SMAP1: variants seen among roughly 807,000 people sequenced by gnomAD.
SMAP1 encodes the protein stromal membrane-associated protein 1.
A neutral mutation model predicts 58.5 loss-of-function variants in SMAP1; 24 were observed. The observed-to-expected ratio is 0.41, with a 90% CI of 0.30 to 0.58. The LOEUF is 0.58. Ranked by LOEUF, SMAP1 falls within the 20% of genes least tolerant of loss-of-function variation. The pLI, the probability that SMAP1 is intolerant of heterozygous loss-of-function variation, is 0.29. For missense variants in SMAP1, 563 were observed against 566.3 expected (o/e 0.99, Z 0.06); for synonymous variants, 216 against 196.6 (o/e 1.10, Z -0.82).
intron 4 of SMAP1, among the ~76,000 whole-genome samples, chr6:70,776,092 T>G (rs1336864929): frequency 6.6e-6 from 1 of 152,134 alleles, no homozygotes; most frequent in Non-Finnish European, 1.5e-5. Context: ...GGAACAGATT[T>G]AAAAAAATAT....
chr6:70,774,592 G>A (rs1186526581), intron 4 of SMAP1, among the ~76,000 whole-genome samples: 3 of 152,138 alleles, frequency 2.0e-5, no homozygotes, highest in Non-Finnish European at 4.4e-5. Flanking sequence ...AAGTTTTTAA[G>A]TATCAGCTCA....
At chr6:70,746,378 A>G (rs1224864036) in intron 2 of SMAP1, among the ~76,000 whole-genome samples, 2 of 152,194 alleles carry the variant, frequency 1.3e-5, no homozygotes, top group Non-Finnish European at 2.9e-5. Flanking sequence ...AGTTTTTAGC[A>G]TGAAGGCTGT....
chr6:70,721,855 C>T (rs771584115), intron 1 of SMAP1, among the ~76,000 whole-genome samples: 30 of 152,206 alleles, frequency 2.0e-4, no homozygotes, highest in African/African-American at 4.8e-4. Context: ...TTAACTATAA[C>T]GAAAATAGCA....
intron 2 of SMAP1, chr6:70,734,707 C>G (rs1224892946): frequency 1.3e-5 from 2 of 152,556 alleles, no homozygotes; most frequent in African/African-American, 2.4e-5. Context: ...GTGACTTGCC[C>G]CCTTTGATGT....
At chr6:70,763,858 AG>A (rs1766854989) in intron 3 of SMAP1, among the ~76,000 whole-genome samples, 1 of 152,174 alleles carries the variant, frequency 6.6e-6, no homozygotes, top group East Asian at 1.9e-4. Flanking sequence ...GAGAGTGATG[AG>A]GAAGCCTCAG....
At chr6:70,846,864 G>A (rs1007578780) in intron 7 of SMAP1, among the ~76,000 whole-genome samples, 1 of 152,168 alleles carries the variant, frequency 6.6e-6, no homozygotes, top group South Asian at 2.1e-4. Context: ...TTTTCCGGGT[G>A]CACCATTGAG....
intron 1 of SMAP1, among the ~76,000 whole-genome samples, chr6:70,696,884 T>G (rs1767427327): frequency 6.6e-6 from 1 of 152,244 alleles, no homozygotes; most frequent in African/African-American, 2.4e-5. Flanking sequence ...TGTCTTTAGC[T>G]CTAATAATAT....
chr6:70,841,939 A>T (rs941748329), intron 7 of SMAP1, among the ~76,000 whole-genome samples: 17 of 152,236 alleles, frequency 1.1e-4, no homozygotes, highest in African/African-American at 4.1e-4. Context: ...GCCATTTCTC[A>T]AAGTCCATGT....
chr6:70,740,945 T>C (rs1362962559), intron 2 of SMAP1, among the ~76,000 whole-genome samples: 3 of 152,064 alleles, frequency 2.0e-5, no homozygotes, highest in African/African-American at 7.2e-5. Context: ...TATAAAACCA[T>C]TGACTCTCAT....
intron 2 of SMAP1, among the ~76,000 whole-genome samples, chr6:70,737,282 C>T (rs918548256): frequency 5.9e-5 from 9 of 152,174 alleles, no homozygotes; most frequent in African/African-American, 1.9e-4. Flanking sequence ...GCTGGGACTA[C>T]AGGCATGAGC....
At chr6:70,826,986 C>T (rs1372185316) in intron 6 of SMAP1, among the ~76,000 whole-genome samples, 1 of 149,420 alleles carries the variant, frequency 6.7e-6, no homozygotes, top group Non-Finnish European at 1.5e-5. Flanking sequence ...AAAAAAACCC[C>T]ACAGTTCCTG....
chr6:70,668,436 T>G, intron 1 of SMAP1: 1 of 1,281,230 alleles, frequency 7.8e-7, no homozygotes, highest in Non-Finnish European at 1.0e-6. Context: ...TCCACAGGGC[T>G]GGGGGTAGGA....
At position 70,794,372 on chromosome 6, in the gene SMAP1, C is replaced by T. The variant is rs185268828; in HGVS notation, c.495+2603C>T. On this transcript the variant is annotated intron_variant, in intron 5 of 10. Transcript: ENST00000370455. The stretch of plus-strand genomic sequence containing the variant: ...AGAACCCATGCTGTTAATATTACTT[C>T]GAAGCCTGTATCCTAATACCACTGC... 5.9e-5 allele frequency among the ~76,000 whole-genome samples: 9 copies of T among 152,186 alleles called. No individual in the cohort carries two copies. The East Asian group carries it at 7.7e-4, about 13-fold the overall frequency.
intron 10 of SMAP1, chr6:70,859,584 C>T (rs1221443450): frequency 2.4e-6 from 1 of 423,248 alleles, no homozygotes; most frequent in Non-Finnish European, 4.1e-6. Context: ...TAAATCTTGC[C>T]TTTCCTTCTC....
intron 1 of SMAP1, among the ~76,000 whole-genome samples, chr6:70,689,884 G>A (rs562550030): frequency 2.0e-5 from 3 of 152,076 alleles, no homozygotes; most frequent in Admixed American, 1.3e-4. Context: ...TAGAAATACC[G>A]TAGGTTGCTG....
At chr6:70,765,956 T>C (rs1766959798) in intron 3 of SMAP1, among the ~76,000 whole-genome samples, 1 of 142,680 alleles carries the variant, frequency 7.0e-6, no homozygotes, top group Non-Finnish European at 1.5e-5. Flanking sequence ...CCATGTGTTC[T>C]CATTGTTCAA....
At chr6:70,680,136 CAG>C (rs1554188490) in intron 1 of SMAP1, among the ~76,000 whole-genome samples, 3 of 151,770 alleles carry the variant, frequency 2.0e-5, no homozygotes, top group African/African-American at 7.3e-5. Flanking sequence ...ACAACAACAA[CAG>C]AATGTATAAT....
At chr6:70,822,282 A>G (rs1321852113) in intron 6 of SMAP1, among the ~76,000 whole-genome samples, 2 of 152,188 alleles carry the variant, frequency 1.3e-5, no homozygotes, top group African/African-American at 4.8e-5. Flanking sequence ...TTTGTGAGGC[A>G]TTGTTCTAAG....
chr6:70,799,652 G>C (rs1768762537), intron 6 of SMAP1, among the ~76,000 whole-genome samples: 1 of 152,102 alleles, frequency 6.6e-6, no homozygotes, highest in Non-Finnish European at 1.5e-5. Context: ...CATAATAGAA[G>C]TACTGTATAT....
Sources: allele counts gnomAD v4.1 joint callset (sites outside exome capture counted in the v4.1 genomes callset), GRCh38; gene constraint gnomAD v4.1.1; transcripts MANE v1.5; gene names NCBI Gene and HGNC (gene_info 2026-07-23, HGNC 2026-07-21).